The following SCN11A variants were observed in gnomAD, a reference collection of about 807,000 sequenced individuals.
SCN11A encodes sodium voltage-gated channel alpha subunit 11.
A neutral mutation model predicts 162.2 loss-of-function variants in SCN11A; 122 were observed. The observed-to-expected ratio is 0.75, with a 90% CI of 0.65 to 0.87. SCN11A has a LOEUF of 0.87. Ranked by LOEUF, SCN11A falls within the 40% of genes least tolerant of loss-of-function variation. The pLI is 0.00. For missense variants in SCN11A, 2,015 were observed against 2,181.6 expected (o/e 0.92, Z 1.52); for synonymous variants, 758 against 751.5 (o/e 1.01, Z -0.14).
chr3:38,992,652 T>A (rs1486072966), intron 2 of SCN11A, among the ~76,000 whole-genome samples: 1 of 152,238 alleles, frequency 6.6e-6, no homozygotes, highest in Admixed American at 6.5e-5. Flanking sequence ...CTGTGTGTCA[T>A]GCTAAACCTC....
intron 2 of SCN11A, among the ~76,000 whole-genome samples, chr3:39,008,103 A>G (rs4676670): frequency 1.3e-5 from 2 of 152,034 alleles, no homozygotes; most frequent in African/African-American, 4.8e-5. Context: ...ATAGAGGCAA[A>G]AAGTTTTTAT....
At chr3:39,041,641 C>T (rs1017352229) in intron 1 of SCN11A, among the ~76,000 whole-genome samples, 1 of 152,104 alleles carries the variant, frequency 6.6e-6, no homozygotes, top group Non-Finnish European at 1.5e-5. Flanking sequence ...ATAAAATTTT[C>T]CCCAAACTAA....
At chr3:38,853,199 T>C (rs2064811078) in intron 28 of SCN11A, among the ~76,000 whole-genome samples, 2 of 152,196 alleles carry the variant, frequency 1.3e-5, no homozygotes, top group African/African-American at 4.8e-5. Flanking sequence ...GATAAATATG[T>C]CAGAACATAT....
At chr3:39,046,497 T>C (rs894998518) in intron 1 of SCN11A, among the ~76,000 whole-genome samples, 6 of 152,188 alleles carry the variant, frequency 3.9e-5, no homozygotes, top group African/African-American at 1.2e-4. Context: ...ACATTCTTCA[T>C]AGAAATAGAA....
At chr3:38,926,712 C>G (rs750294586) in intron 8 of SCN11A, 91 bp downstream of exon 8, 4 of 1,315,862 alleles carry the variant, frequency 3.0e-6, no homozygotes, top group Non-Finnish European at 4.3e-6. Flanking sequence ...CATACTCAGC[C>G]ACTCAAATGG....
At chr3:38,925,353 T>A (rs114843596) in intron 9 of SCN11A, 62 bp downstream of exon 9, 3 of 1,170,068 alleles carry the variant, frequency 2.6e-6, no homozygotes, top group Non-Finnish European at 3.7e-6. Context: ...TTTGAAAAAA[T>A]TTAAATATAA....
At position 38,950,078 on chromosome 3, in the gene SCN11A, C is replaced by CCCCCG. The variant is rs1553644472; in HGVS notation, c.267+17_267+18insCGGGG. ...GAACACCCCCACCCCCACCCCCCCC[C>CCCCCG]CCCGCCCAATGAAGTACCTTATGAT... is the stretch of plus-strand genomic sequence containing the variant. On this transcript the variant is annotated intron_variant, in intron 5 of 29. Transcript: ENST00000302328. 56 of 140,598 alleles carry CCCCCG rather than the reference C, an allele frequency of 4.0e-4. 1 individual carries two copies. Among genetic ancestry groups the CCCCCG allele is most frequent in the East Asian group, 6.5e-4 (3 of 4,630 alleles). 8.7% of individuals were successfully genotyped at this position (140,598 alleles called of 1,614,324 possible). A position where few individuals can be genotyped will look rare whatever the true frequency, so the allele number is the denominator to read the frequency against.
intron 21 of SCN11A, among the ~76,000 whole-genome samples, chr3:38,884,969 T>G (rs2065370654): frequency 6.6e-6 from 1 of 152,192 alleles, no homozygotes. Flanking sequence ...TCACCTCAAA[T>G]ACACCCTGAC....
At chr3:38,924,514 C>A (rs766793003) in intron 9 of SCN11A, among the ~76,000 whole-genome samples, 2 of 152,070 alleles carry the variant, frequency 1.3e-5, no homozygotes, top group African/African-American at 2.4e-5. Context: ...GCTGGGATTA[C>A]AGGCATGCAC....
intron 20 of SCN11A, 23 bp from the exon 21 acceptor site, chr3:38,885,425 G>T (rs2126108510): frequency 7.7e-7 from 1 of 1,306,034 alleles, no homozygotes; most frequent in Non-Finnish European, 1.1e-6. Flanking sequence ...ACAAAACGAA[G>T]GGGGTGCCTT....
intron 2 of SCN11A, among the ~76,000 whole-genome samples, chr3:39,027,444 T>C (rs1440043691): frequency 4.6e-5 from 7 of 152,310 alleles, no homozygotes; most frequent in East Asian, 3.9e-4. Flanking sequence ...CAGTGCATGA[T>C]AGTGAGATTC....
intron 2 of SCN11A, among the ~76,000 whole-genome samples, chr3:39,001,606 G>A (rs1293157490): frequency 6.6e-6 from 1 of 151,858 alleles, no homozygotes; most frequent in African/African-American, 2.4e-5. Context: ...TTACTTTTAC[G>A]TCTTTCATCC....
At chr3:38,947,115 G>A (rs2066530138) in intron 5 of SCN11A, among the ~76,000 whole-genome samples, 1 of 152,164 alleles carries the variant, frequency 6.6e-6, no homozygotes, top group African/African-American at 2.4e-5. Context: ...GGAGTATAGA[G>A]GAATAACTGG....
chr3:38,858,662 A>G (rs759311057), intron 28 of SCN11A, among the ~76,000 whole-genome samples: 1 of 152,166 alleles, frequency 6.6e-6, no homozygotes, highest in Non-Finnish European at 1.5e-5. Context: ...AACAAATGAA[A>G]TTAACAGATA....
intron 19 of SCN11A, among the ~76,000 whole-genome samples, chr3:38,889,073 C>A (rs542853740): frequency 6.6e-6 from 1 of 151,882 alleles, no homozygotes; most frequent in Non-Finnish European, 1.5e-5. Context: ...ATGATATCTG[C>A]ATAAGGGGAA....
At chr3:38,930,225 C>A (rs1200777833) in intron 7 of SCN11A, among the ~76,000 whole-genome samples, 2 of 152,118 alleles carry the variant, frequency 1.3e-5, no homozygotes, top group Non-Finnish European at 2.9e-5. Context: ...GCCCTGAAAG[C>A]TAAAGAACAA....
At chr3:38,998,371 G>C (rs2030706634) in intron 2 of SCN11A, among the ~76,000 whole-genome samples, 1 of 152,136 alleles carries the variant, frequency 6.6e-6, no homozygotes, top group Non-Finnish European at 1.5e-5. Flanking sequence ...CTGGAATCGG[G>C]TTTGCAATCT....
chr3:38,969,248 T>A (rs918506855), intron 2 of SCN11A, among the ~76,000 whole-genome samples: 4 of 152,230 alleles, frequency 2.6e-5, no homozygotes. Context: ...ATAATTAACT[T>A]AAGAATCACC....
intron 21 of SCN11A, among the ~76,000 whole-genome samples, chr3:38,884,142 A>G (rs1237392037): frequency 6.6e-6 from 1 of 152,132 alleles, no homozygotes; most frequent in African/African-American, 2.4e-5. Context: ...TTCTTAAACC[A>G]CTATGGGCTC....
Sources: allele counts gnomAD v4.1 joint callset (sites outside exome capture counted in the v4.1 genomes callset), GRCh38; gene constraint gnomAD v4.1.1; transcripts MANE v1.5; gene names NCBI Gene and HGNC (gene_info 2026-07-23, HGNC 2026-07-21).